MAP2K4: variants seen among roughly 807,000 people sequenced by gnomAD.
MAP2K4 encodes the protein mitogen-activated protein kinase kinase 4.
MAP2K4 carries 4 observed loss-of-function variants against 48.5 expected under a neutral mutation model. The ratio of observed to expected loss-of-function variants is 0.08; its 90% CI spans 0.04 to 0.19. The LOEUF is 0.19. MAP2K4 is among the 10% of genes least tolerant of loss of function. MAP2K4 has a pLI of 1.00. For missense variants in MAP2K4, 258 were observed against 493.3 expected (o/e 0.52, Z 4.52); for synonymous variants, 166 against 173.1 (o/e 0.96, Z 0.32).
chr17:12,108,916 A>AT (rs1437294610), intron 5 of MAP2K4, among the ~76,000 whole-genome samples: 1 of 152,054 alleles, frequency 6.6e-6, no homozygotes, highest in East Asian at 1.9e-4. Flanking sequence ...TTTTACAATG[A>AT]TTAGTTTAGC....
chr17:12,133,325 G>T (rs1361834470), intron 9 of MAP2K4, among the ~76,000 whole-genome samples: 1 of 152,132 alleles, frequency 6.6e-6, no homozygotes, highest in African/African-American at 2.4e-5. Context: ...CAAGTAATCC[G>T]CCCGCTTCAG....
At chr17:12,054,309 A>G (rs1970226444) in intron 1 of MAP2K4, among the ~76,000 whole-genome samples, 1 of 152,072 alleles carries the variant, frequency 6.6e-6, no homozygotes, top group South Asian at 2.1e-4. Flanking sequence ...CCCTTCTACC[A>G]TGGTGGTTTT....
chr17:12,023,239 T>C (rs1969148479), intron 1 of MAP2K4, among the ~76,000 whole-genome samples: 2 of 152,228 alleles, frequency 1.3e-5, no homozygotes, highest in Non-Finnish European at 2.9e-5. Flanking sequence ...CAGTCTGTTA[T>C]AAAGCTTGAA....
intron 5 of MAP2K4, 74 bp downstream of exon 5, chr17:12,107,983 A>G (rs1972176859): frequency 2.3e-6 from 3 of 1,283,380 alleles, no homozygotes; most frequent in Non-Finnish European, 3.1e-6. Context: ...TTGAATGCAC[A>G]TATTTGAGTG....
intron 2 of MAP2K4, among the ~76,000 whole-genome samples, chr17:12,075,077 T>A (rs28923168): frequency 0.17 from 25,614 of 152,244 alleles, 2,535 homozygotes; most frequent in South Asian, 0.3. Context: ...AATAATATCT[T>A]GAAGACTTTG....
chr17:12,038,664 A>C (rs1332879876), intron 1 of MAP2K4, among the ~76,000 whole-genome samples: 1 of 152,292 alleles, frequency 6.6e-6, no homozygotes, highest in Admixed American at 6.5e-5. Flanking sequence ...ATAACTCTTA[A>C]TGTGTGTCAA....
chr17:12,119,617 C>G (rs1429554212), intron 7 of MAP2K4, among the ~76,000 whole-genome samples: 1 of 152,180 alleles, frequency 6.6e-6, no homozygotes, highest in Admixed American at 6.5e-5. Context: ...GTCATTCAAC[C>G]CAGCAGTTCC....
intron 8 of MAP2K4, among the ~76,000 whole-genome samples, chr17:12,126,658 A>G (rs567846841): frequency 1.3e-5 from 2 of 152,338 alleles, no homozygotes; most frequent in Admixed American, 1.3e-4. Flanking sequence ...ACCACCAAAT[A>G]CCATCACATT....
chr17:12,085,005 G>A (rs1019188007), intron 3 of MAP2K4, among the ~76,000 whole-genome samples: 3 of 152,166 alleles, frequency 2.0e-5, no homozygotes, highest in Non-Finnish European at 4.4e-5. Context: ...ATGACTGTAA[G>A]CCTCTGATGC....
chr17:12,128,164 G>A (rs1013004063), intron 8 of MAP2K4, among the ~76,000 whole-genome samples: 61 of 152,248 alleles, frequency 4.0e-4, no homozygotes, highest in African/African-American at 1.4e-3. Context: ...TGCAAACTCC[G>A]CCTCCTGGGT....
intron 9 of MAP2K4, among the ~76,000 whole-genome samples, chr17:12,135,491 C>T (rs575059982): frequency 5.1e-4 from 78 of 152,328 alleles, no homozygotes; most frequent in African/African-American, 1.6e-3. Context: ...CTCGGCTTCC[C>T]GGAGTATTGG....
intron 9 of MAP2K4, among the ~76,000 whole-genome samples, chr17:12,134,134 A>G (rs1013037617): frequency 1.3e-5 from 2 of 151,944 alleles, no homozygotes; most frequent in African/African-American, 2.4e-5. Context: ...CTCTCCACCT[A>G]GGTGATGATA....
chr17:12,056,823 C>A (rs1238443017), intron 2 of MAP2K4, among the ~76,000 whole-genome samples: 1 of 152,088 alleles, frequency 6.6e-6, no homozygotes, highest in African/African-American at 2.4e-5. Flanking sequence ...TTGTTAGTTT[C>A]TGTTTAGGAT....
chr17:12,123,543 G>A (rs1049716042), intron 7 of MAP2K4, among the ~76,000 whole-genome samples: 1 of 151,680 alleles, frequency 6.6e-6, no homozygotes, highest in African/African-American at 2.4e-5. Context: ...TTGTCTTCAC[G>A]TTACTTTTTC....
At chr17:12,099,135 G>A (rs1338102614) in intron 4 of MAP2K4, among the ~76,000 whole-genome samples, 2 of 151,264 alleles carry the variant, frequency 1.3e-5, no homozygotes, top group Non-Finnish European at 2.9e-5. Context: ...CCTTATAAGC[G>A]AGAACATGCA....
chr17:12,024,644 ATT>A (rs1969199345), intron 1 of MAP2K4, among the ~76,000 whole-genome samples: 1 of 152,240 alleles, frequency 6.6e-6, no homozygotes, highest in African/African-American at 2.4e-5. Context: ...CAATACTCAA[ATT>A]AACTACTCTG....
chr17:12,109,324 G>T (rs1337845196), intron 5 of MAP2K4, among the ~76,000 whole-genome samples: 2 of 152,194 alleles, frequency 1.3e-5, no homozygotes, highest in East Asian at 3.9e-4. Flanking sequence ...ATTTGCCTAA[G>T]TCAAGACTTG....
rs147544658 is a variant in MAP2K4 at position 12,119,559 on chromosome 17, A to G, written c.814-5735A>G. On this transcript the variant is annotated intron_variant, in intron 7 of 10. Coordinates refer to ENST00000353533, the MANE Select transcript of MAP2K4 (RefSeq NM_003010.4). The stretch of plus-strand genomic sequence containing the variant: ...GGTGGAAATGTAAATTAATTCAACC[A>G]TTGTGGAAAGCAGTGTGGTGATTCC... Among the ~76,000 whole-genome samples the G allele has an allele frequency of 7.2e-4, 109 of 152,384 alleles. No individual in the cohort carries two copies. In the East Asian group the frequency reaches 0.02, roughly 28 times the overall value.
At chr17:12,059,374 C>T (rs141986013) in intron 2 of MAP2K4, among the ~76,000 whole-genome samples, 48 of 152,324 alleles carry the variant, frequency 3.2e-4, no homozygotes, top group African/African-American at 1.1e-3. Flanking sequence ...ATTTGACAAA[C>T]AGAAGTAGAT....
Sources: allele counts gnomAD v4.1 joint callset (sites outside exome capture counted in the v4.1 genomes callset), GRCh38; gene constraint gnomAD v4.1.1; transcripts MANE v1.5; gene names NCBI Gene and HGNC (gene_info 2026-07-23, HGNC 2026-07-21).